Variants in CEMIP2 observed in about 807,000 individuals in gnomAD.
The protein encoded by CEMIP2 is cell migration inducing hyaluronidase 2.
In CEMIP2, 79 loss-of-function variants were observed where a neutral mutation model predicts 146.9. That is an observed-to-expected ratio of 0.54 (90% CI 0.45 to 0.65). The LOEUF (loss-of-function observed/expected upper bound fraction) is 0.65, where lower values mean the gene tolerates loss of function less well. Among genes scored for constraint, CEMIP2 ranks in the 30% least tolerant of loss-of-function variants. CEMIP2 has a pLI of 0.00. For missense variants in CEMIP2, 1,596 were observed against 1,696.2 expected (o/e 0.94, Z 1.04); for synonymous variants, 601 against 606.3 (o/e 0.99, Z 0.13).
intron 18 of CEMIP2, among the ~76,000 whole-genome samples, chr9:71,702,305 G>GA (rs749403739): frequency 8.6e-4 from 127 of 147,388 alleles, no homozygotes; most frequent in Non-Finnish European, 1.5e-3. Flanking sequence ...GTTTTCAAGT[G>GA]AAAAAAATAA....
chr9:71,713,212 C>T (rs558130026), intron 15 of CEMIP2, among the ~76,000 whole-genome samples: 3 of 152,172 alleles, frequency 2.0e-5, no homozygotes, highest in Admixed American at 6.5e-5. Flanking sequence ...ATGACTGAAT[C>T]GGGGGCGGGT....
chr9:71,724,658 G>A (rs977642566), intron 11 of CEMIP2, among the ~76,000 whole-genome samples: 2 of 152,182 alleles, frequency 1.3e-5, no homozygotes, highest in Admixed American at 6.5e-5. Context: ...ACCAGGGGGC[G>A]AAGGGTTAGA....
At chr9:71,762,313 C>T (rs574970633) in intron 1 of CEMIP2, among the ~76,000 whole-genome samples, 6 of 152,078 alleles carry the variant, frequency 3.9e-5, no homozygotes, top group Non-Finnish European at 8.8e-5. Context: ...CTTCACTTAG[C>T]CGAATAGGGA....
chr9:71,746,441 T>C, intron 2 of CEMIP2, 100 bp from the exon 3 acceptor site: 1 of 1,409,874 alleles, frequency 7.1e-7, no homozygotes, highest in African/African-American at 1.4e-5. Flanking sequence ...GCAAAAAATG[T>C]GCTAACATAT....
At position 71,700,839 on chromosome 9, in the gene CEMIP2, CAT is replaced by C. The variant is rs1454883990; in HGVS notation, c.3195-17_3195-16del. The C allele has an allele frequency of 3.0e-5, 48 of 1,592,178 alleles. No individual in the cohort carries two copies. Among genetic ancestry groups the C allele is most frequent in the Non-Finnish European group, 4.0e-5 (47 of 1,172,352 alleles). ...TCCAGTCATTCCTTTAAAGGAGAAA[CAT>C]AAAAAAATTAGTTTACACTTCAGCC... On this transcript the variant is annotated splice_polypyrimidine_tract_variant and intron_variant, in intron 18 of 23. Coordinates refer to ENST00000377044, the MANE Select transcript of CEMIP2 (RefSeq NM_013390.3).
At chr9:71,699,338 T>G in intron 19 of CEMIP2, 1 of 363,728 alleles carries the variant, frequency 2.7e-6, no homozygotes, top group Middle Eastern at 5.3e-4. Flanking sequence ...AGCAGCTACT[T>G]GTGAGGCTGA....
chr9:71,709,121 A>AAGGAC (rs1822833144), intron 17 of CEMIP2, 138 bp downstream of exon 17: 5 of 788,782 alleles, frequency 6.3e-6, no homozygotes, highest in South Asian at 3.6e-5. Flanking sequence ...AAAGAAAAGA[A>AAGGAC]AGGACAGGAC....
intron 22 of CEMIP2, among the ~76,000 whole-genome samples, chr9:71,689,266 T>G (rs925645327): frequency 3.9e-5 from 6 of 152,252 alleles, no homozygotes; most frequent in Non-Finnish European, 8.8e-5. Flanking sequence ...TCCGGTTCTA[T>G]AAAGCATAAG....
intron 12 of CEMIP2, among the ~76,000 whole-genome samples, chr9:71,718,766 A>G (rs1475865111): frequency 6.6e-6 from 1 of 151,978 alleles, no homozygotes; most frequent in Non-Finnish European, 1.5e-5. Context: ...TAGCAGAGAC[A>G]AGGTCTCCCC....
Position 71,736,587 on chromosome 9 carries a change from GT to G in CEMIP2, c.1205-1594del, listed in dbSNP as rs200253455. Among the ~76,000 whole-genome samples the G allele has an allele frequency of 2.7e-3, 404 of 152,278 alleles. 12 individuals are homozygous for G. The East Asian group carries it at 0.057, about 21-fold the overall frequency. On this transcript the variant is annotated intron_variant, in intron 5 of 23. Transcript: ENST00000377044. ...ATCTTTCCTAATATCTTCTTTGAAA[GT>G]CAAAGTTAGTTCCCAGTTAAGCAGA... is the stretch of plus-strand genomic sequence containing the variant.
At chr9:71,731,061 T>C (rs1478993183) in intron 7 of CEMIP2, 147 bp from the exon 8 acceptor site, 3 of 687,058 alleles carry the variant, frequency 4.4e-6, no homozygotes, top group African/African-American at 1.8e-5. Flanking sequence ...GATTGCCAGT[T>C]AATAATTTAG....
chr9:71,725,401 C>T (rs916117314), intron 11 of CEMIP2, among the ~76,000 whole-genome samples, 180 bp downstream of exon 11: 3 of 152,142 alleles, frequency 2.0e-5, no homozygotes, highest in Non-Finnish European at 2.9e-5. Context: ...AATGCTGTCC[C>T]CTTGATCTTG....
At chr9:71,687,462 C>CTGTGTGTGTGTGTGTGTGTG (rs71353506) in intron 22 of CEMIP2, 1 of 141,328 alleles carries the variant, frequency 7.1e-6, no homozygotes, top group African/African-American at 2.8e-5. Flanking sequence ...TATTTATTTT[C>CTGTGTGTGTGTGTGTGTGTG]TGTGTGTGTG....
intron 1 of CEMIP2, among the ~76,000 whole-genome samples, chr9:71,764,634 C>T (rs1186274149): frequency 6.6e-6 from 1 of 152,092 alleles, no homozygotes. Flanking sequence ...TTACCCCCCT[C>T]CCCACCGCAC....
intron 10 of CEMIP2, among the ~76,000 whole-genome samples, chr9:71,726,027 C>T (rs926136693): frequency 4.6e-5 from 7 of 152,208 alleles, no homozygotes; most frequent in Non-Finnish European, 5.9e-5. Context: ...ACCAAATCGG[C>T]TTTCCATGTA....
intron 20 of CEMIP2, among the ~76,000 whole-genome samples, chr9:71,697,466 T>C (rs796939464): frequency 1.4e-4 from 22 of 152,182 alleles, no homozygotes; most frequent in Admixed American, 6.5e-4. Context: ...ACTTTTTTTT[T>C]AAATAAAAAT....
intron 20 of CEMIP2, among the ~76,000 whole-genome samples, chr9:71,697,323 CCTT>C (rs745988456): frequency 1.5e-3 from 223 of 152,192 alleles, no homozygotes; most frequent in Non-Finnish European, 2.6e-3. Flanking sequence ...CTTTGGAACT[CCTT>C]CTGTATGCCC....
chr9:71,732,144 T>C (rs1823638141), intron 7 of CEMIP2, among the ~76,000 whole-genome samples: 1 of 152,330 alleles, frequency 6.6e-6, no homozygotes, highest in South Asian at 2.1e-4. Context: ...GAACAATTCT[T>C]AAATGGTTTA....
intron 12 of CEMIP2, among the ~76,000 whole-genome samples, chr9:71,718,394 T>C (rs1823132255): frequency 6.6e-6 from 1 of 152,176 alleles, no homozygotes; most frequent in African/African-American, 2.4e-5. Flanking sequence ...GTCATGTGTG[T>C]TTACAAATCC....
Sources: allele counts gnomAD v4.1 joint callset (sites outside exome capture counted in the v4.1 genomes callset), GRCh38; gene constraint gnomAD v4.1.1; transcripts MANE v1.5; gene names NCBI Gene and HGNC (gene_info 2026-07-23, HGNC 2026-07-21).